CNTNAP2: variants seen among roughly 807,000 people sequenced by gnomAD.
The protein encoded by CNTNAP2 is contactin-associated protein-like 2.
A neutral mutation model predicts 155.2 loss-of-function variants in CNTNAP2; 98 were observed. The ratio of observed to expected loss-of-function variants is 0.63; its 90% CI spans 0.54 to 0.75. The LOEUF (loss-of-function observed/expected upper bound fraction) is 0.75, where lower values mean the gene tolerates loss of function less well. Among genes scored for constraint, CNTNAP2 ranks in the 30% least tolerant of loss-of-function variants. CNTNAP2 has a pLI of 0.00. For missense variants in CNTNAP2, 1,727 were observed against 1,688.1 expected (o/e 1.02, Z -0.40); for synonymous variants, 651 against 631.2 (o/e 1.03, Z -0.47).
chr7:146,630,901 A>G (rs562034385), intron 1 of CNTNAP2, among the ~76,000 whole-genome samples: 1 of 152,302 alleles, frequency 6.6e-6, no homozygotes, highest in South Asian at 2.1e-4. Flanking sequence ...GCTCAAGGAA[A>G]TAAGAGAGAA....
At chr7:147,513,408 G>T (rs557342654) in intron 11 of CNTNAP2, among the ~76,000 whole-genome samples, 2 of 152,122 alleles carry the variant, frequency 1.3e-5, no homozygotes. Context: ...AAATGTGTAG[G>T]TGGCCTTGGT....
At chr7:147,346,133 A>ATT (rs1563168699) in intron 9 of CNTNAP2, among the ~76,000 whole-genome samples, 2 of 49,902 alleles carry the variant, frequency 4.0e-5, no homozygotes, top group African/African-American at 3.2e-4. Flanking sequence ...CGAAGATTTT[A>ATT]TTTTATTTTA....
intron 13 of CNTNAP2, among the ~76,000 whole-genome samples, chr7:147,729,466 G>A (rs73472846): frequency 0.38 from 57,063 of 151,028 alleles, 13,234 homozygotes; most frequent in African/African-American, 0.65. Context: ...GAAACTACTA[G>A]ATGGATCAAT....
chr7:147,938,422 G>T (rs931572066), intron 14 of CNTNAP2, among the ~76,000 whole-genome samples: 1 of 151,962 alleles, frequency 6.6e-6, no homozygotes. Context: ...GAGGAAACAC[G>T]AAGAATTAAT....
intron 15 of CNTNAP2, among the ~76,000 whole-genome samples, chr7:148,057,809 GC>G (rs1277518651): frequency 2.6e-5 from 4 of 152,042 alleles, no homozygotes; most frequent in African/African-American, 9.7e-5. Flanking sequence ...AAATCATAAT[GC>G]TGCCACTCCT....
chr7:147,834,203 C>T (rs368569528), intron 13 of CNTNAP2, among the ~76,000 whole-genome samples: 1 of 152,136 alleles, frequency 6.6e-6, no homozygotes, highest in Non-Finnish European at 1.5e-5. Flanking sequence ...GCAGAAGCTC[C>T]GTGAATCAGA....
intron 8 of CNTNAP2, among the ~76,000 whole-genome samples, chr7:147,272,454 T>A (rs1804773152): frequency 6.6e-6 from 1 of 152,156 alleles, no homozygotes; most frequent in South Asian, 2.1e-4. Flanking sequence ...TTGAAGACGT[T>A]ACTGTATCTC....
intron 1 of CNTNAP2, among the ~76,000 whole-genome samples, chr7:146,256,203 T>G (rs1799834416): frequency 6.6e-6 from 1 of 152,140 alleles, no homozygotes; most frequent in Non-Finnish European, 1.5e-5. Flanking sequence ...CATCACTACT[T>G]TCTAATTCTA....
chr7:147,237,049 C>CTTTTTTTTTTTTTTTTTTTTTTTTTTT lies in CNTNAP2; in HGVS notation c.1349-63082_1349-63056dup, dbSNP rs548220734. ...CCACTTCCTTTAGCCTTCACCTCCT[C>CTTTTTTTTTTTTTTTTTTTTTTTTTTT]TTTTTTTTTTTTTTTTTTTTTTTTT... On this transcript the variant is annotated intron_variant, in intron 8 of 23. Coordinates refer to ENST00000361727, the MANE Select transcript of CNTNAP2 (RefSeq NM_014141.6). Among the ~76,000 whole-genome samples the CTTTTTTTTTTTTTTTTTTTTTTTTTTT allele has an allele frequency of 5.6e-4, 32 of 57,478 alleles. 9 individuals are homozygous for CTTTTTTTTTTTTTTTTTTTTTTTTTTT. Among genetic ancestry groups the CTTTTTTTTTTTTTTTTTTTTTTTTTTT allele is most frequent in the Non-Finnish European group, 7.1e-4 (21 of 29,592 alleles). 37.7% of individuals were successfully genotyped at this position (57,478 alleles called of 152,430 possible).
intron 1 of CNTNAP2, among the ~76,000 whole-genome samples, chr7:146,164,042 A>G (rs1287749023): frequency 6.6e-6 from 1 of 152,162 alleles, no homozygotes; most frequent in Non-Finnish European, 1.5e-5. Flanking sequence ...TCTTTGTCAT[A>G]TGTTTAGGTA....
intron 17 of CNTNAP2, among the ~76,000 whole-genome samples, chr7:148,152,185 G>A (rs116575359): frequency 1.8e-3 from 267 of 151,970 alleles, no homozygotes; most frequent in African/African-American, 6.1e-3. Flanking sequence ...TAAATAAAGC[G>A]TTTAATTAAC....
At chr7:146,223,865 G>A (rs1359581941) in intron 1 of CNTNAP2, among the ~76,000 whole-genome samples, 1 of 152,190 alleles carries the variant, frequency 6.6e-6, no homozygotes, top group Non-Finnish European at 1.5e-5. Context: ...AGTATAATAA[G>A]TACATATAAG....
intron 21 of CNTNAP2, among the ~76,000 whole-genome samples, chr7:148,374,697 G>A (rs1798951695): frequency 1.3e-5 from 2 of 152,164 alleles, no homozygotes; most frequent in Non-Finnish European, 2.9e-5. Flanking sequence ...TTCTATTTCT[G>A]CTGCTATCAA....
intron 8 of CNTNAP2, among the ~76,000 whole-genome samples, chr7:147,177,318 C>T (rs1367623070): frequency 6.6e-6 from 1 of 152,054 alleles, no homozygotes; most frequent in Non-Finnish European, 1.5e-5. Context: ...TTCCCCCATG[C>T]TGGTTTCCTG....
chr7:147,860,625 G>GCT (rs886549058), intron 13 of CNTNAP2, among the ~76,000 whole-genome samples: 7 of 148,942 alleles, frequency 4.7e-5, no homozygotes, highest in African/African-American at 1.5e-4. Context: ...TTTCCTCCTT[G>GCT]CTCTCTCTCT....
chr7:148,075,409 C>T (rs1467082830), intron 15 of CNTNAP2, among the ~76,000 whole-genome samples: 1 of 151,898 alleles, frequency 6.6e-6, no homozygotes, highest in Non-Finnish European at 1.5e-5. Context: ...TGCACTCCAG[C>T]CTGGGTGACA....
intron 1 of CNTNAP2, among the ~76,000 whole-genome samples, chr7:146,743,568 C>T (rs1801756167): frequency 2.7e-5 from 4 of 146,734 alleles, no homozygotes. Context: ...CCTGCCTATG[C>T]AGTGACTTTT....
chr7:146,211,984 T>TA (rs1369740312), intron 1 of CNTNAP2, among the ~76,000 whole-genome samples: 1 of 152,170 alleles, frequency 6.6e-6, no homozygotes, highest in African/African-American at 2.4e-5. Context: ...TAGAAACTGC[T>TA]AAAATCTTAT....
At position 147,108,042 on chromosome 7, in the gene CNTNAP2, A is replaced by G. The variant is rs931190160; in HGVS notation, c.551-105A>G. 9.7e-6 allele frequency: 10 copies of G among 1,030,310 alleles called. No homozygotes were observed. In the Admixed American group the frequency reaches 1.8e-4, roughly 19 times the overall value. 63.8% of individuals were successfully genotyped at this position (1,030,310 alleles called of 1,614,324 possible). A position where few individuals can be genotyped will look rare whatever the true frequency, so the allele number is the denominator to read the frequency against. ...AAAACAGAGGACTGTCAATTTCTCAAGAAAAACACTTACTTAATTCTCATT... is the reference window on the plus strand; with the variant it reads ...AAAACAGAGGACTGTCAATTTCTCAGGAAAAACACTTACTTAATTCTCATT... On this transcript the variant is annotated intron_variant, in intron 4 of 23. Transcript: ENST00000361727.
Sources: allele counts gnomAD v4.1 joint callset (sites outside exome capture counted in the v4.1 genomes callset), GRCh38; gene constraint gnomAD v4.1.1; transcripts MANE v1.5; gene names NCBI Gene and HGNC (gene_info 2026-07-23, HGNC 2026-07-21).